GRIK4: variants seen among roughly 807,000 people sequenced by gnomAD.
GRIK4 encodes the protein glutamate ionotropic receptor kainate type subunit 4, also known as glutamate receptor ionotropic, kainate 4.
In GRIK4, 40 loss-of-function variants were observed where a neutral mutation model predicts 104.9. That is an observed-to-expected ratio of 0.38 (90% confidence interval 0.30 to 0.50). GRIK4 has a LOEUF of 0.50. Ranked by LOEUF, GRIK4 falls within the 20% of genes least tolerant of loss-of-function variation. GRIK4 has a pLI of 0.93. For missense variants in GRIK4, 1,047 were observed against 1,308.1 expected, an observed-to-expected ratio of 0.80 and a Z score of 3.08; for synonymous variants, 485 against 524.9, an observed-to-expected ratio of 0.92 and a Z score of 1.04.
At chr11:120,520,640 C>T (rs976509049) in intron 1 of GRIK4, among the ~76,000 whole-genome samples, 4 of 152,224 alleles carry the variant, frequency 2.6e-5, no homozygotes, top group Admixed American at 1.3e-4. Flanking sequence ...TGTGTCCACT[C>T]ACCACCTCCT....
intron 1 of GRIK4, among the ~76,000 whole-genome samples, chr11:120,583,675 A>T (rs1948618295): frequency 6.6e-6 from 1 of 152,170 alleles, no homozygotes; most frequent in South Asian, 2.1e-4. Context: ...CTTTTTGCTT[A>T]GGATTGCTTT....
chr11:120,564,653 C>G (rs1948287862), intron 1 of GRIK4: 1 of 152,344 alleles, frequency 6.6e-6, no homozygotes, highest in African/African-American at 2.4e-5. Flanking sequence ...GGCATCGGTG[C>G]CGACGCCGCG....
rs893557890 is a variant in GRIK4, at chr11:120,513,210, T to C, written c.-159+1323T>C. Among the ~76,000 whole-genome samples, 1 of 152,190 alleles carries C rather than the reference T, an allele frequency of 6.6e-6. No homozygotes were observed. The highest frequency in any genetic ancestry group is 2.4e-5 in the African/African-American group (1 of 41,446). ...AGGTCTGAGGGCTGGTCAGGAGGAC[T>C]GAGCCCTGCCAGGAACAAAGAACTA... On this transcript the variant is annotated intron_variant, in intron 1 of 20. Coordinates refer to ENST00000527524, the MANE Select transcript of GRIK4 (RefSeq NM_014619.5). The surrounding 1 kb of genome is among the most constrained non-coding windows in gnomAD (Gnocchi z 4.5).
At chr11:120,871,483 G>T in intron 9 of GRIK4, 1 of 401,046 alleles carries the variant, frequency 2.5e-6, no homozygotes, top group Non-Finnish European at 5.1e-6. Flanking sequence ...ACTCGGGAGT[G>T]TGGTGGCTCA....
intron 1 of GRIK4, among the ~76,000 whole-genome samples, chr11:120,634,920 G>A (rs751286809): frequency 1.9e-4 from 29 of 152,200 alleles, no homozygotes; most frequent in Non-Finnish European, 2.9e-4. Flanking sequence ...TAGGGAAAGC[G>A]AGATGCGAAC....
chr11:120,971,351 T>C (rs1329195528), intron 19 of GRIK4, among the ~76,000 whole-genome samples: 1 of 152,148 alleles, frequency 6.6e-6, no homozygotes, highest in East Asian at 1.9e-4. Flanking sequence ...GATGAAACAA[T>C]GAACAACAAA....
intron 1 of GRIK4, among the ~76,000 whole-genome samples, chr11:120,618,572 G>A (rs368868688): frequency 2.6e-5 from 4 of 152,196 alleles, no homozygotes; most frequent in African/African-American, 7.2e-5. Flanking sequence ...TTGTCCCATC[G>A]TAGGCCCAGA....
At chr11:120,907,245 T>TAAG (rs1432510654) in intron 13 of GRIK4, among the ~76,000 whole-genome samples, 1 of 152,196 alleles carries the variant, frequency 6.6e-6, no homozygotes, top group Non-Finnish European at 1.5e-5. Context: ...TTGTTCACCT[T>TAAG]GAGCTGATTT....
At chr11:120,961,459 T>A (rs1347922599) in intron 17 of GRIK4, among the ~76,000 whole-genome samples, 1 of 152,258 alleles carries the variant, frequency 6.6e-6, no homozygotes, top group Non-Finnish European at 1.5e-5. Context: ...TGCATACATT[T>A]ACATTTTTAA....
intron 8 of GRIK4, among the ~76,000 whole-genome samples, chr11:120,855,637 C>A (rs575709586): frequency 1.1e-4 from 16 of 151,338 alleles, no homozygotes; most frequent in African/African-American, 3.4e-4. Flanking sequence ...TGGCTCACTG[C>A]GACTCTGCCT....
rs1235269293 is a variant in GRIK4 at position 120,960,482 on chromosome 11, C to T, written c.1875-427C>T. 5.3e-5 allele frequency among the ~76,000 whole-genome samples: 8 copies of T among 152,198 alleles called. No individual in the cohort carries two copies. The South Asian group carries it at 1.7e-3, about 31-fold the overall frequency. ...GTGGATGTAGCTCGTGGTAGCTGCT[C>T]ACTGCCTGGCGATGCACATTTGAAG... On this transcript the variant is annotated intron_variant, in intron 16 of 20. Coordinates refer to ENST00000527524, the MANE Select transcript of GRIK4 (RefSeq NM_014619.5).
intron 15 of GRIK4, among the ~76,000 whole-genome samples, chr11:120,955,223 G>A (rs541213315): frequency 2.6e-5 from 4 of 152,302 alleles, no homozygotes; most frequent in South Asian, 4.1e-4. Context: ...CCAATGGTCC[G>A]TAGGCTTGGG....
chr11:120,919,819 G>A (rs1276673855), intron 13 of GRIK4, among the ~76,000 whole-genome samples: 1 of 152,202 alleles, frequency 6.6e-6, no homozygotes, highest in Non-Finnish European at 1.5e-5. Flanking sequence ...AGACAACAGG[G>A]AAGGGAGGGA....
At chr11:120,697,003 A>G (rs954572403) in intron 3 of GRIK4, among the ~76,000 whole-genome samples, 1 of 152,126 alleles carries the variant, frequency 6.6e-6, no homozygotes, top group Admixed American at 6.5e-5. Flanking sequence ...GCCACACCCC[A>G]TGACGTTTGT....
intron 1 of GRIK4, among the ~76,000 whole-genome samples, chr11:120,572,599 C>T (rs1409452913): frequency 6.7e-6 from 1 of 150,368 alleles, no homozygotes; most frequent in Non-Finnish European, 1.5e-5. Flanking sequence ...TCTTTACAAT[C>T]ATCACCTCCT....
At chr11:120,786,423 T>C (rs890895822) in intron 3 of GRIK4, among the ~76,000 whole-genome samples, 2 of 152,236 alleles carry the variant, frequency 1.3e-5, no homozygotes, top group Non-Finnish European at 2.9e-5. Flanking sequence ...GGCTAACCCA[T>C]TGGACAGCTT....
At chr11:120,839,670 GTA>G (rs2135579143) in intron 8 of GRIK4, among the ~76,000 whole-genome samples, 1 of 152,326 alleles carries the variant, frequency 6.6e-6, no homozygotes, top group Admixed American at 6.5e-5. Flanking sequence ...GGACTAGGTA[GTA>G]TGGTTATTGT....
At chr11:120,565,374 A>G (rs990345103) in intron 1 of GRIK4, among the ~76,000 whole-genome samples, 1 of 152,194 alleles carries the variant, frequency 6.6e-6, no homozygotes, top group Admixed American at 6.5e-5. Flanking sequence ...CTCCTCCTTT[A>G]ATTAGCAGGA....
intron 4 of GRIK4, among the ~76,000 whole-genome samples, chr11:120,806,893 A>G (rs1206095560): frequency 3.3e-5 from 5 of 152,186 alleles, no homozygotes; most frequent in African/African-American, 1.2e-4. Context: ...CCAGCCTGGA[A>G]ACTGGAAAGA....
Sources: gnomAD v4.1 joint callset for allele counts (sites outside exome capture counted in the v4.1 genomes callset) on GRCh38, gnomAD v4.1.1 for gene constraint, Gnocchi (gnomAD v3.1) non-coding constraint, MANE v1.5 for transcripts, NCBI Gene and HGNC (gene_info 2026-07-23, HGNC 2026-07-21) for gene names.